Variants in HDAC9 observed in about 807,000 individuals in gnomAD.
HDAC9 encodes histone deacetylase 9.
Under a neutral mutation model 139.4 loss-of-function variants are expected in HDAC9, and 41 were observed. The ratio of observed to expected loss-of-function variants is 0.29; its 90% CI spans 0.23 to 0.38. HDAC9 has a LOEUF of 0.38. Ranked by LOEUF, HDAC9 falls within the 10% of genes least tolerant of loss-of-function variation. HDAC9 has a pLI of 1.00. For missense variants in HDAC9, 1,147 were observed against 1,297.0 expected, an observed-to-expected ratio of 0.88 and a Z score of 1.78; for synonymous variants, 517 against 476.2, an observed-to-expected ratio of 1.09 and a Z score of -1.12.
At chr7:18,281,114 C>G (rs949636098) in intron 2 of HDAC9, among the ~76,000 whole-genome samples, 4 of 152,224 alleles carry the variant, frequency 2.6e-5, no homozygotes, top group African/African-American at 9.6e-5. Context: ...CAAGGTGGAA[C>G]AGAGCTTAGT....
intron 2 of HDAC9, among the ~76,000 whole-genome samples, chr7:18,529,756 A>C (rs1194172956): frequency 1.3e-5 from 2 of 152,136 alleles, no homozygotes; most frequent in Non-Finnish European, 2.9e-5. Context: ...AACTCATTGG[A>C]TTCACCAATG....
At chr7:18,717,772 G>A (rs1182674242) in intron 12 of HDAC9, among the ~76,000 whole-genome samples, 1 of 151,774 alleles carries the variant, frequency 6.6e-6, no homozygotes, top group Non-Finnish European at 1.5e-5. Context: ...TTGTACAGAT[G>A]TACAAATATA....
At chr7:18,677,116 T>C (rs1781568604) in intron 12 of HDAC9, among the ~76,000 whole-genome samples, 1 of 151,900 alleles carries the variant, frequency 6.6e-6, no homozygotes, top group East Asian at 1.9e-4. Flanking sequence ...TCCTGCCCTC[T>C]TTATACTCAG....
chr7:18,825,521 A>G (rs1585107883), intron 17 of HDAC9, among the ~76,000 whole-genome samples: 1 of 152,028 alleles, frequency 6.6e-6, no homozygotes, highest in African/African-American at 2.4e-5. Flanking sequence ...TGACTTTTGT[A>G]AGAGCTTCTT....
intron 17 of HDAC9, among the ~76,000 whole-genome samples, chr7:18,815,737 C>T (rs970864033): frequency 2.6e-5 from 4 of 152,332 alleles, no homozygotes; most frequent in South Asian, 4.1e-4. Flanking sequence ...TTGGGATCCA[C>T]CATCCAGTTA....
intron 1 of HDAC9, among the ~76,000 whole-genome samples, chr7:18,351,148 T>C (rs943379794): frequency 3.3e-5 from 5 of 152,216 alleles, no homozygotes; most frequent in African/African-American, 1.2e-4. Flanking sequence ...ATAATCACAA[T>C]GATTTATTTC....
upstream of HDAC9, among the ~76,000 whole-genome samples, chr7:18,287,796 A>G (rs1223108540): frequency 6.6e-6 from 1 of 152,204 alleles, no homozygotes; most frequent in Non-Finnish European, 1.5e-5. Context: ...CTAAGGGAAG[A>G]CTGGAAAGTG....
chr7:18,554,616 T>G (rs910015417), intron 2 of HDAC9, among the ~76,000 whole-genome samples: 19 of 152,198 alleles, frequency 1.2e-4, no homozygotes, highest in African/African-American at 3.6e-4. Flanking sequence ...ATTACAGGCG[T>G]GAGCCACCGC....
At chr7:18,716,298 C>A (rs987141996) in intron 12 of HDAC9, among the ~76,000 whole-genome samples, 1 of 152,022 alleles carries the variant, frequency 6.6e-6, no homozygotes, top group Non-Finnish European at 1.5e-5. Context: ...TTTTTTTCTA[C>A]AGGCAATTGT....
At chr7:18,552,502 A>T (rs1817485202) in intron 2 of HDAC9, among the ~76,000 whole-genome samples, 1 of 152,200 alleles carries the variant, frequency 6.6e-6, no homozygotes, top group African/African-American at 2.4e-5. Flanking sequence ...AATAAACACA[A>T]GCTTCCCTTT....
chr7:18,940,893 G>A (rs1000947401), intron 23 of HDAC9, among the ~76,000 whole-genome samples: 3 of 152,124 alleles, frequency 2.0e-5, no homozygotes, highest in Non-Finnish European at 4.4e-5. Context: ...GTCAAAGAAA[G>A]GAGAGGACAT....
At chr7:18,136,257 T>C (rs993831383) in intron 1 of HDAC9, among the ~76,000 whole-genome samples, 1 of 151,128 alleles carries the variant, frequency 6.6e-6, no homozygotes, top group Non-Finnish European at 1.5e-5. Context: ...GTAGGTTGCC[T>C]GTTCACTCTG....
intron 1 of HDAC9, among the ~76,000 whole-genome samples, chr7:18,427,763 C>T (rs1187841640): frequency 1.3e-5 from 2 of 151,442 alleles, no homozygotes; most frequent in Non-Finnish European, 2.9e-5. Flanking sequence ...TGAGACCCAC[C>T]CTCTTAACAG....
At chr7:18,620,001 A>G (rs372829893) in intron 6 of HDAC9, among the ~76,000 whole-genome samples, 2 of 152,128 alleles carry the variant, frequency 1.3e-5, no homozygotes, top group South Asian at 2.1e-4. Context: ...TATATTATTC[A>G]TTCTTGAGAC....
intron 6 of HDAC9, among the ~76,000 whole-genome samples, chr7:18,615,155 G>C (rs1395686672): frequency 6.6e-6 from 1 of 152,108 alleles, no homozygotes; most frequent in Admixed American, 6.6e-5. Context: ...AGCTGATTAA[G>C]TTGTAAGAGA....
intron 2 of HDAC9, among the ~76,000 whole-genome samples, chr7:18,265,810 A>G (rs1322740516): frequency 1.3e-5 from 2 of 152,166 alleles, no homozygotes; most frequent in South Asian, 2.1e-4. Context: ...ATCTGTAGCA[A>G]TATGTGTTTC....
At chr7:18,289,467 T>C (rs1374902877), upstream of HDAC9, among the ~76,000 whole-genome samples, 2 of 152,202 alleles carry the variant, frequency 1.3e-5, no homozygotes, top group Non-Finnish European at 2.9e-5. Context: ...TTTGTGAAAC[T>C]ATTACCACAT....
intron 1 of HDAC9, among the ~76,000 whole-genome samples, chr7:18,400,250 TA>T (rs1446705647): frequency 6.6e-6 from 1 of 152,162 alleles, no homozygotes; most frequent in Non-Finnish European, 1.5e-5. Context: ...TTTAGTTTAA[TA>T]AAGGTAAAAG....
rs1215927994 is a variant in HDAC9, at chr7:18,829,173, G to T, written c.2335G>T (p.Val779Phe). 5 of 1,612,788 alleles carry T rather than the reference G, an allele frequency of 3.1e-6. No individual in the cohort carries two copies. Among genetic ancestry groups the T allele is most frequent in the Non-Finnish European group, 3.4e-6 (4 of 1,178,872 alleles). Reference sequence around the variant, plus strand: ...CTTGTTTTCACAGAATGGGTTTGCTGTTGTGAGGCCCCCTGGCCATCACGC... The same window carrying T: ...CTTGTTTTCACAGAATGGGTTTGCTTTTGTGAGGCCCCCTGGCCATCACGC... ...ASGELKNGFA[V>F]VRPPGHHAEE... Residue 779 changes from valine to phenylalanine, a missense_variant, in exon 18 of 26, where the codon GTT (valine) becomes TTT (phenylalanine). By Grantham distance (50) the Val-to-Phe change is conservative. Coordinates refer to ENST00000686413, the MANE Select transcript of HDAC9 (RefSeq NM_178425.4).
Sources: allele counts gnomAD v4.1 joint callset (sites outside exome capture counted in the v4.1 genomes callset), GRCh38; gene constraint gnomAD v4.1.1; transcripts MANE v1.5; gene names NCBI Gene and HGNC (gene_info 2026-07-23, HGNC 2026-07-21).